The following KIF6 variants were observed in gnomAD, a reference collection of about 807,000 sequenced individuals.
KIF6 encodes the protein kinesin family member 6.
In KIF6, 106 loss-of-function variants were observed where a neutral mutation model predicts 112.7. That is an observed-to-expected ratio of 0.94 (90% CI 0.80 to 1.11). KIF6 has a LOEUF of 1.11. Among genes scored for constraint, KIF6 ranks in the 50% least tolerant of loss-of-function variants. KIF6 has a pLI of 0.00. For synonymous variants in KIF6, 339 were observed against 339.9 expected (o/e 1.00, Z 0.03); for missense variants, 929 against 964.0 (o/e 0.96, Z 0.48).
intron 20 of KIF6, among the ~76,000 whole-genome samples, chr6:39,346,094 T>TCC (rs1763738784): frequency 2.9e-4 from 1 of 3,442 alleles, no homozygotes; most frequent in African/African-American, 1.1e-3. Context: ...CTCCCCCCCC[T>TCC]CTCCCTCCCC....
chr6:39,560,506 C>T (rs1218402645), intron 10 of KIF6, among the ~76,000 whole-genome samples: 2 of 152,136 alleles, frequency 1.3e-5, no homozygotes, highest in African/African-American at 2.4e-5. Flanking sequence ...CATATTGATT[C>T]CTCTATCTGA....
At chr6:39,381,570 G>A (rs544902949) in intron 16 of KIF6, among the ~76,000 whole-genome samples, 6 of 152,246 alleles carry the variant, frequency 3.9e-5, no homozygotes, top group South Asian at 2.1e-4. Flanking sequence ...GCTGAAGGGC[G>A]AGAGTTAAGG....
At chr6:39,585,867 C>T (rs1781597181) in intron 8 of KIF6, among the ~76,000 whole-genome samples, 2 of 152,208 alleles carry the variant, frequency 1.3e-5, no homozygotes. Context: ...CACTCAGCAA[C>T]ATTTCTAGGG....
chr6:39,449,979 C>T (rs1772581344), intron 13 of KIF6, among the ~76,000 whole-genome samples: 1 of 152,212 alleles, frequency 6.6e-6, no homozygotes, highest in African/African-American at 2.4e-5. Flanking sequence ...GTCTCTTTCT[C>T]ACTAGGTTTT....
intron 13 of KIF6, among the ~76,000 whole-genome samples, chr6:39,505,073 G>A (rs1000954185): frequency 6.6e-6 from 1 of 152,154 alleles, no homozygotes; most frequent in Admixed American, 6.6e-5. Flanking sequence ...CAAAGCTAGA[G>A]GCATCATGCT....
At chr6:39,625,685 G>T (rs1784056413) in intron 5 of KIF6, among the ~76,000 whole-genome samples, 1 of 152,218 alleles carries the variant, frequency 6.6e-6, no homozygotes, top group African/African-American at 2.4e-5. Context: ...TAATGCAAAA[G>T]GTAGTAGTAA....
In KIF6 at chr6:39,416,483, T is replaced by A. The variant is rs181489138; in HGVS notation, c.1810+3465A>T. Among the ~76,000 whole-genome samples the A allele has an allele frequency of 1.4e-4, 21 of 152,338 alleles. No homozygotes were observed. The East Asian group carries it at 3.7e-3, about 27-fold the overall frequency. ...CTCCGACAGAAACACAGACTCTTAT[T>A]ATTTTTCAGGGAGATTTTAAATTGG... On this transcript the variant is annotated intron_variant, in intron 15 of 22. Coordinates refer to ENST00000287152, the MANE Select transcript of KIF6 (RefSeq NM_145027.6).
At chr6:39,672,107 T>A (rs1786849245) in intron 3 of KIF6, among the ~76,000 whole-genome samples, 1 of 152,212 alleles carries the variant, frequency 6.6e-6, no homozygotes, top group Non-Finnish European at 1.5e-5. Flanking sequence ...TTTATTTAGA[T>A]GTTTGGTGAT....
chr6:39,573,072 T>A (rs1231975996), intron 10 of KIF6, among the ~76,000 whole-genome samples: 2 of 151,316 alleles, frequency 1.3e-5, no homozygotes, highest in African/African-American at 4.9e-5. Context: ...GATGGTAATA[T>A]CCTTATGCCA....
intron 15 of KIF6, among the ~76,000 whole-genome samples, chr6:39,400,120 G>A (rs999536272): frequency 2.0e-5 from 3 of 152,188 alleles, no homozygotes; most frequent in Admixed American, 6.5e-5. Context: ...GAGGGACTTT[G>A]GCCATAATAT....
At chr6:39,425,313 C>A (rs1409955780) in intron 14 of KIF6, among the ~76,000 whole-genome samples, 3 of 152,202 alleles carry the variant, frequency 2.0e-5, no homozygotes, top group African/African-American at 7.2e-5. Context: ...ACATCCAATA[C>A]CCTTCCCTGT....
At chr6:39,347,200 A>G (rs11755763) in intron 19 of KIF6, among the ~76,000 whole-genome samples, 101,040 of 152,146 alleles carry the variant, frequency 0.66, 35,285 homozygotes, top group African/African-American at 0.89. Context: ...AGAATCGGGA[A>G]CTACTCAGGA....
intron 15 of KIF6, among the ~76,000 whole-genome samples, chr6:39,388,541 T>G (rs1305770527): frequency 6.6e-6 from 1 of 152,200 alleles, no homozygotes; most frequent in African/African-American, 2.4e-5. Context: ...CAAGTTTTTT[T>G]TTATTTCCCC....
At chr6:39,434,992 T>C (rs11755172) in intron 13 of KIF6, among the ~76,000 whole-genome samples, 3,382 of 152,332 alleles carry the variant, frequency 0.022, 68 homozygotes, top group Non-Finnish European at 0.029. Context: ...TTCAGTTAAA[T>C]TTCTCTATGA....
chr6:39,582,444 T>C (rs570085641), intron 9 of KIF6, among the ~76,000 whole-genome samples: 3 of 152,214 alleles, frequency 2.0e-5, no homozygotes, highest in African/African-American at 7.2e-5. Flanking sequence ...GGAGTTTTGC[T>C]CTTATTGCCC....
chr6:39,572,074 A>C (rs1780669944), intron 10 of KIF6, among the ~76,000 whole-genome samples: 1 of 152,174 alleles, frequency 6.6e-6, no homozygotes, highest in Admixed American at 6.5e-5. Flanking sequence ...TATGTAATAA[A>C]CTGCTATTAC....
intron 15 of KIF6, among the ~76,000 whole-genome samples, chr6:39,388,579 G>A (rs1442556490): frequency 6.6e-6 from 1 of 152,058 alleles, no homozygotes; most frequent in Non-Finnish European, 1.5e-5. Flanking sequence ...ATAGCCTTAT[G>A]GCTGATACCT....
At chr6:39,675,888 T>C (rs1427770704) in intron 3 of KIF6, among the ~76,000 whole-genome samples, 4 of 151,936 alleles carry the variant, frequency 2.6e-5, no homozygotes, top group African/African-American at 9.7e-5. Context: ...AGAAAAGGCT[T>C]AATGAACTAG....
chr6:39,502,171 G>A (rs928931679), intron 13 of KIF6, among the ~76,000 whole-genome samples: 5 of 152,182 alleles, frequency 3.3e-5, no homozygotes, highest in East Asian at 1.9e-4. Flanking sequence ...GGAAGAGATT[G>A]TGGGCCAATA....
Sources: allele counts gnomAD v4.1 joint callset (sites outside exome capture counted in the v4.1 genomes callset), GRCh38; gene constraint gnomAD v4.1.1; transcripts MANE v1.5; gene names NCBI Gene and HGNC (gene_info 2026-07-23, HGNC 2026-07-21).